COL4A5: variants seen among roughly 807,000 people sequenced by gnomAD.
COL4A5 encodes the protein collagen alpha-5(IV) chain.
A neutral mutation model predicts 130.2 loss-of-function variants in COL4A5; 26 were observed. The observed-to-expected ratio is 0.20, with a 90% CI of 0.15 to 0.28. COL4A5 has a LOEUF of 0.28. COL4A5 is among the 10% of genes least tolerant of loss of function. The probability of loss-of-function intolerance (pLI) is 1.00; values close to 1 mark genes in which losing one functional copy is unlikely to be tolerated. For synonymous variants in COL4A5, 496 were observed against 439.6 expected, an observed-to-expected ratio of 1.13 and a Z score of -1.60; for missense variants, 1,131 against 1,344.3, an observed-to-expected ratio of 0.84 and a Z score of 2.48.
intron 42 of COL4A5, among the ~76,000 whole-genome samples, chrX:108,671,766 G>A (rs2068212117): frequency 9.0e-6 from 1 of 111,698 alleles, no homozygotes; most frequent in South Asian, 3.7e-4. Context: ...GGGAGATCAG[G>A]AACTTGATCA....
chrX:108,629,692 C>A (rs2067216924), intron 36 of COL4A5, among the ~76,000 whole-genome samples: 1 of 110,870 alleles, frequency 9.0e-6, no homozygotes, highest in Admixed American at 9.6e-5. Context: ...ACTTTAAGTT[C>A]CAGGGTACAT....
At chrX:108,665,707 T>G in intron 38 of COL4A5, 120 bp downstream of exon 38, 1 of 531,579 alleles carries the variant, frequency 1.9e-6, no homozygotes, top group African/African-American at 2.3e-5. Flanking sequence ...ATAGTGTTCA[T>G]TCACTTAACA....
At chrX:108,479,539 G>A (rs927676616) in intron 1 of COL4A5, among the ~76,000 whole-genome samples, 3 of 111,704 alleles carry the variant, frequency 2.7e-5, no homozygotes, top group Non-Finnish European at 3.8e-5. Flanking sequence ...TGTGAGCCAG[G>A]CCCTGGTCTT....
At chrX:108,610,123 CT>C (rs1261904800) in intron 29 of COL4A5, among the ~76,000 whole-genome samples, 1 of 110,702 alleles carries the variant, frequency 9.0e-6, no homozygotes, top group Non-Finnish European at 1.9e-5. Context: ...TGCCAATATC[CT>C]TTACCCACTT....
intron 1 of COL4A5, among the ~76,000 whole-genome samples, chrX:108,466,530 C>A: frequency 8.9e-6 from 1 of 111,999 alleles, no homozygotes; most frequent in Middle Eastern, 4.6e-3. Flanking sequence ...TGATACTAAG[C>A]ATTTTTCAAG....
chrX:108,602,029 T>C (rs1274104906), intron 27 of COL4A5, 40 bp downstream of exon 27: 1 of 669,143 alleles, frequency 1.5e-6, no homozygotes, highest in East Asian at 3.6e-5. Flanking sequence ...GGTTAGAAGT[T>C]TAGCATGATG....
intron 36 of COL4A5, among the ~76,000 whole-genome samples, chrX:108,637,051 T>C (rs948804452): frequency 1.9e-5 from 2 of 105,112 alleles, no homozygotes; most frequent in Admixed American, 2.1e-4. Context: ...CAAGCAATTC[T>C]CATGCCTCAG....
At chrX:108,464,818 C>G (rs1429206660) in intron 1 of COL4A5, among the ~76,000 whole-genome samples, 1 of 112,309 alleles carries the variant, frequency 8.9e-6, no homozygotes, top group Non-Finnish European at 1.9e-5. Context: ...CTCAGTGAAG[C>G]GTTCCTCATG....
At chrX:108,548,324 A>G (rs140403064) in intron 2 of COL4A5, among the ~76,000 whole-genome samples, 385 of 112,064 alleles carry the variant, frequency 3.4e-3, no homozygotes, top group Non-Finnish European at 4.1e-3. Context: ...AAAACAATTG[A>G]CCTTATGGGC....
At chrX:108,479,131 A>G (rs975218097) in intron 1 of COL4A5, among the ~76,000 whole-genome samples, 15 of 112,468 alleles carry the variant, frequency 1.3e-4, no homozygotes, top group Non-Finnish European at 2.4e-4. Flanking sequence ...AGAATGGGTC[A>G]TTCTATCCAT....
At chrX:108,687,728 C>T in intron 49 of COL4A5, 34 bp downstream of exon 49, 1 of 1,175,630 alleles carries the variant, frequency 8.5e-7, no homozygotes, top group Non-Finnish European at 1.2e-6. Flanking sequence ...CCTACTGTGC[C>T]TTTTGTTTTT....
At position 108,485,105 on chromosome X, in the gene COL4A5, G is replaced by A. The variant is rs6622327; in HGVS notation, c.81+44899G>A. Among the ~76,000 whole-genome samples, 114 of 111,902 alleles carry A rather than the reference G, an allele frequency of 1.0e-3. 3 individuals carry two copies. The East Asian group carries it at 0.031, about 30-fold the overall frequency. On this transcript the variant is annotated intron_variant, in intron 1 of 52. Coordinates refer to ENST00000328300, the MANE Select transcript of COL4A5 (RefSeq NM_033380.3). Reference sequence around the variant, plus strand: ...CCACCACAGGCCCACGGGGACTACTGCCAGGCTACCATCTATGTTCACTTA... The same window carrying A: ...CCACCACAGGCCCACGGGGACTACTACCAGGCTACCATCTATGTTCACTTA...
At chrX:108,688,759 A>G (rs2068595755) in intron 49 of COL4A5, among the ~76,000 whole-genome samples, 1 of 111,413 alleles carries the variant, frequency 9.0e-6, no homozygotes, top group African/African-American at 3.3e-5. Context: ...AAGACTGACT[A>G]TCCCCTTTGC....
At chrX:108,530,799 G>C (rs748424612) in intron 1 of COL4A5, among the ~76,000 whole-genome samples, 88 of 105,420 alleles carry the variant, frequency 8.3e-4, no homozygotes, top group African/African-American at 2.8e-3. Context: ...TCAGTGTGGC[G>C]ATTCCTCAGG....
At chrX:108,694,640 A>G (rs189402901) in intron 50 of COL4A5, 167 bp from the exon 51 acceptor site, 52 of 489,913 alleles carry the variant, frequency 1.1e-4, no homozygotes, top group African/African-American at 9.3e-4. Flanking sequence ...ATACTGGGAG[A>G]CAATACTTAG....
At chrX:108,593,655 T>A (rs769173215) in intron 21 of COL4A5, among the ~76,000 whole-genome samples, 63 of 111,694 alleles carry the variant, frequency 5.6e-4, no homozygotes, top group African/African-American at 2.1e-3. Flanking sequence ...CTCAGTACTA[T>A]AGAACAAAAG....
intron 29 of COL4A5, among the ~76,000 whole-genome samples, chrX:108,613,528 A>C (rs1372145757): frequency 8.9e-6 from 1 of 112,306 alleles, no homozygotes; most frequent in African/African-American, 3.2e-5. Flanking sequence ...TATATCTGAC[A>C]AAGGACTTAT....
chrX:108,564,891 A>G (rs28372093), intron 4 of COL4A5, among the ~76,000 whole-genome samples: 11,579 of 111,154 alleles, frequency 0.1, 1,293 homozygotes, highest in African/African-American at 0.34. Context: ...AGCTTGCCTT[A>G]TGTGCATCTT....
intron 1 of COL4A5, among the ~76,000 whole-genome samples, chrX:108,502,823 A>G (rs2065093960): frequency 9.0e-6 from 1 of 111,611 alleles, no homozygotes; most frequent in Non-Finnish European, 1.9e-5. Flanking sequence ...CCACAGAAAT[A>G]AACATTGTCT....
Sources: gnomAD v4.1 joint callset for allele counts (sites outside exome capture counted in the v4.1 genomes callset) on GRCh38, gnomAD v4.1.1 for gene constraint, MANE v1.5 for transcripts, NCBI Gene and HGNC (gene_info 2026-07-23, HGNC 2026-07-21) for gene names.